NIT2: variants seen among roughly 807,000 people sequenced by gnomAD.
NIT2 encodes the protein omega-amidase NIT2.
Under a neutral mutation model 42.7 loss-of-function variants are expected in NIT2, and 46 were observed. The ratio of observed to expected loss-of-function variants is 1.08; its 90% CI spans 0.85 to 1.38. The LOEUF is 1.38. Ranked by LOEUF, NIT2 falls within the 40% of genes most tolerant of loss-of-function variation. The pLI, the probability that NIT2 is intolerant of heterozygous loss-of-function variation, is 0.00. For missense variants in NIT2, 309 were observed against 342.5 expected (o/e 0.90, Z 0.77); for synonymous variants, 123 against 121.9 (o/e 1.01, Z -0.06).
At chr3:100,354,858 C>T in intron 9 of NIT2, 31 bp downstream of exon 9, 2 of 1,582,420 alleles carry the variant, frequency 1.3e-6, no homozygotes, top group South Asian at 1.1e-5. Flanking sequence ...GTTTAGGTCT[C>T]TGATGTCCCC....
At chr3:100,348,455 C>T (rs566421716) in intron 6 of NIT2, among the ~76,000 whole-genome samples, 7 of 152,294 alleles carry the variant, frequency 4.6e-5, no homozygotes, top group Non-Finnish European at 7.4e-5. Context: ...TAGCCCCTAG[C>T]GTAGGCAGCT....
chr3:100,350,257 T>G (rs1706260123), intron 7 of NIT2, among the ~76,000 whole-genome samples: 1 of 152,190 alleles, frequency 6.6e-6, no homozygotes, highest in African/African-American at 2.4e-5. Context: ...GGTACAGTTT[T>G]GTCAAAAGTG....
intron 6 of NIT2, among the ~76,000 whole-genome samples, 195 bp from the exon 7 acceptor site, chr3:100,348,608 G>A (rs1424423113): frequency 6.6e-6 from 1 of 152,184 alleles, no homozygotes; most frequent in African/African-American, 2.4e-5. Flanking sequence ...GTCCATATGT[G>A]TGTGACTTAC....
intron 2 of NIT2, 35 bp downstream of exon 2, chr3:100,339,240 T>C (rs754716228): frequency 7.6e-6 from 10 of 1,310,044 alleles, no homozygotes; most frequent in Non-Finnish European, 8.9e-6. Context: ...TTCTAGCCAC[T>C]GTACACCCAA....
intron 6 of NIT2, among the ~76,000 whole-genome samples, chr3:100,348,172 G>A (rs1347623901): frequency 2.6e-5 from 4 of 152,172 alleles, no homozygotes; most frequent in African/African-American, 7.2e-5. Context: ...GATTACAGGC[G>A]TGAGCCAGCG....
chr3:100,344,297 T>G (rs1279106375), intron 4 of NIT2, among the ~76,000 whole-genome samples: 2 of 152,250 alleles, frequency 1.3e-5, no homozygotes, highest in African/African-American at 4.8e-5. Context: ...GTCTGTGTTC[T>G]TCTCTTCAGA....
Position 100,337,149 on chromosome 3 carries a change from T to A in NIT2, c.8-1938T>A, listed in dbSNP as rs948914834. 7.9e-5 allele frequency among the ~76,000 whole-genome samples: 12 copies of A among 152,262 alleles called. No individual in the cohort carries two copies. The South Asian group carries it at 1.2e-3, about 16-fold the overall frequency. On this transcript the variant is annotated intron_variant, in intron 1 of 9. Coordinates refer to ENST00000394140, the MANE Select transcript of NIT2 (RefSeq NM_020202.5). Reference sequence around the variant, plus strand: ...GGACACAGCACATGTTTCAGAGAGCTCGGGGTTGGGAGTAAGGTTATAGTT... The same window carrying A: ...GGACACAGCACATGTTTCAGAGAGCACGGGGTTGGGAGTAAGGTTATAGTT...
At chr3:100,338,318 G>A (rs762357483) in intron 1 of NIT2, among the ~76,000 whole-genome samples, 10 of 152,174 alleles carry the variant, frequency 6.6e-5, no homozygotes, top group African/African-American at 9.7e-5. Context: ...TCCTTCTGCA[G>A]TATCTCTTTC....
chr3:100,343,574 C>T (rs1310459855), intron 4 of NIT2, among the ~76,000 whole-genome samples: 2 of 152,038 alleles, frequency 1.3e-5, no homozygotes, highest in East Asian at 1.9e-4. Context: ...GTTTTTATTA[C>T]TCTATGATAT....
At chr3:100,337,986 G>A (rs1706097644) in intron 1 of NIT2, among the ~76,000 whole-genome samples, 1 of 152,130 alleles carries the variant, frequency 6.6e-6, no homozygotes, top group Non-Finnish European at 1.5e-5. Flanking sequence ...CAAGAGGATT[G>A]CCTGAACTGA....
chr3:100,339,880 A>G lies in NIT2; in HGVS notation c.192A>G (p.Glu64=), dbSNP rs1216435519. Residue 64 remains glutamate, a synonymous_variant, in exon 3 of 10, where the codon GAA becomes GAG. Coordinates refer to ENST00000394140, the MANE Select transcript of NIT2 (RefSeq NM_020202.5). ...AATATGCAGAGAAAATTCCTGGTGA[A>G]TCCACACAGAAGCTTTCTGAAGTAG... The part of the protein sequence containing the change: ...FPEYAEKIPG[E]STQKLSEVAK... 2 of 1,613,774 alleles carry G rather than the reference A, an allele frequency of 1.2e-6. No homozygotes were observed. The highest frequency in any genetic ancestry group is 1.7e-6 in the Non-Finnish European group (2 of 1,179,716).
chr3:100,340,079 TA>T, intron 3 of NIT2, 144 bp downstream of exon 3: 3 of 654,868 alleles, frequency 4.6e-6, no homozygotes, highest in Non-Finnish European at 7.4e-6. Flanking sequence ...CTTATTTATT[TA>T]TTTTTTTTGA....
At chr3:100,341,208 A>G (rs1430850818) in intron 4 of NIT2, 47 bp downstream of exon 4, 3 of 1,416,062 alleles carry the variant, frequency 2.1e-6, no homozygotes, top group Non-Finnish European at 2.0e-6. Flanking sequence ...TAAGCCAGCA[A>G]CAATGTGTGG....
At chr3:100,340,198 A>G (rs559981671) in intron 3 of NIT2, among the ~76,000 whole-genome samples, 6 of 152,060 alleles carry the variant, frequency 3.9e-5, no homozygotes, top group Non-Finnish European at 7.4e-5. Context: ...CTGAGTAGCT[A>G]GGACTGCAGG....
At chr3:100,347,466 C>T (rs1706229001) in intron 6 of NIT2, among the ~76,000 whole-genome samples, 1 of 152,068 alleles carries the variant, frequency 6.6e-6, no homozygotes, top group African/African-American at 2.4e-5. Flanking sequence ...CAGGGTCTCA[C>T]TGTCACCCAG....
chr3:100,344,716 G>A (rs1229394094), intron 4 of NIT2, among the ~76,000 whole-genome samples: 1 of 151,932 alleles, frequency 6.6e-6, no homozygotes, highest in African/African-American at 2.4e-5. Flanking sequence ...TGTGATCTTG[G>A]CTCACTGCAA....
chr3:100,339,982 C>G, intron 3 of NIT2, 47 bp downstream of exon 3: 1 of 1,560,078 alleles, frequency 6.4e-7, no homozygotes, highest in Non-Finnish European at 8.7e-7. Flanking sequence ...TTAGAAACAT[C>G]TGAATGAGTC....
At chr3:100,338,715 T>G (rs1326801234) in intron 1 of NIT2, among the ~76,000 whole-genome samples, 1 of 152,126 alleles carries the variant, frequency 6.6e-6, no homozygotes, top group East Asian at 1.9e-4. Flanking sequence ...TAAGCCATAT[T>G]CTCATTTCAT....
Position 100,359,988 on chromosome 3 carries a change from A to G in NIT2, c.*4720A>G, listed in dbSNP as rs1157409656. The G allele has an allele frequency of 6.6e-6, 1 of 152,134 alleles. No homozygotes were observed. The highest frequency in any genetic ancestry group is 2.4e-5 in the African/African-American group (1 of 41,420). 9.4% of individuals were successfully genotyped at this position (152,134 alleles called of 1,614,324 possible). On this transcript the variant is annotated 3_prime_UTR_variant, in exon 10 of 10. Transcript: ENST00000394140. ...ACATTGTACTTCTGTTTTAGAGACTACCTTCCTCTGAAGCATATGACAGGT... is the reference window on the plus strand; with the variant it reads ...ACATTGTACTTCTGTTTTAGAGACTGCCTTCCTCTGAAGCATATGACAGGT...
Sources: allele counts gnomAD v4.1 joint callset (sites outside exome capture counted in the v4.1 genomes callset), GRCh38; gene constraint gnomAD v4.1.1; transcripts MANE v1.5; gene names NCBI Gene and HGNC (gene_info 2026-07-23, HGNC 2026-07-21).